Variants in SGCD observed in about 807,000 individuals in gnomAD.
SGCD encodes delta-sarcoglycan.
In SGCD, 18 loss-of-function variants were observed where a neutral mutation model predicts 36.6. The ratio of observed to expected loss-of-function variants is 0.49; its 90% confidence interval spans 0.34 to 0.73. The LOEUF (loss-of-function observed/expected upper bound fraction) is 0.73, where lower values mean the gene tolerates loss of function less well. SGCD is among the 30% of genes least tolerant of loss of function. SGCD has a pLI of 0.01. For synonymous variants in SGCD, 133 were observed against 130.6 expected (o/e 1.02, Z -0.12); for missense variants, 387 against 346.7 (o/e 1.12, Z -0.92).
At chr5:156,071,121 T>C (rs1171207003) in intron 1 of SGCD, among the ~76,000 whole-genome samples, 3 of 152,296 alleles carry the variant, frequency 2.0e-5, no homozygotes, top group African/African-American at 7.2e-5. Context: ...TTTTTGTGTC[T>C]CTATTTCCTT....
chr5:156,707,729 G>A (rs1754803323), intron 7 of SGCD, among the ~76,000 whole-genome samples: 1 of 152,092 alleles, frequency 6.6e-6, no homozygotes, highest in African/African-American at 2.4e-5. Context: ...TCATTACAGG[G>A]AAACTGAAAA....
intron 1 of SGCD, among the ~76,000 whole-genome samples, chr5:155,918,659 C>T (rs1396222249): frequency 6.6e-6 from 1 of 152,206 alleles, no homozygotes; most frequent in Non-Finnish European, 1.5e-5. Context: ...GACCTCTCTA[C>T]TTTATCATAC....
chr5:156,448,793 G>A (rs1220639797), intron 3 of SGCD, among the ~76,000 whole-genome samples: 1 of 141,462 alleles, frequency 7.1e-6, no homozygotes, highest in Non-Finnish European at 1.5e-5. Flanking sequence ...CCAGGCTGGA[G>A]GCTAGAGTGC....
intron 1 of SGCD, among the ~76,000 whole-genome samples, chr5:156,026,665 T>C (rs7734472): frequency 0.19 from 29,471 of 152,158 alleles, 3,575 homozygotes; most frequent in Admixed American, 0.35. Flanking sequence ...CAATTCACAA[T>C]TGATACCAAG....
intron 4 of SGCD, among the ~76,000 whole-genome samples, chr5:156,586,165 A>G (rs1398117022): frequency 1.3e-5 from 2 of 151,906 alleles, no homozygotes; most frequent in Non-Finnish European, 2.9e-5. Flanking sequence ...TGGCTGTGAT[A>G]GTGTCTCAGA....
intron 3 of SGCD, among the ~76,000 whole-genome samples, chr5:156,503,152 T>G (rs546552219): frequency 6.6e-6 from 1 of 152,372 alleles, no homozygotes; most frequent in Admixed American, 6.5e-5. Flanking sequence ...TTTATATTTC[T>G]TGAACTGTGG....
rs7705957 is a variant in SGCD, at chr5:156,676,359, T to C, written c.575+28823T>C. ...TGACTGCTGTGTTTTCTTCCAGGAA[T>C]ATTAATTATTTTTGGTAATAACAGG... is the stretch of plus-strand genomic sequence containing the variant. On this transcript the variant is annotated intron_variant, in intron 7 of 8. Transcript: ENST00000337851. Among the ~76,000 whole-genome samples, 456 of 152,306 alleles carry C rather than the reference T, an allele frequency of 3.0e-3. 2 individuals carry two copies. Among genetic ancestry groups the C allele is most frequent in the African/African-American group, 0.011 (439 of 41,568 alleles).
At chr5:156,185,223 T>C (rs1028836784) in intron 3 of SGCD, among the ~76,000 whole-genome samples, 38 of 148,712 alleles carry the variant, frequency 2.6e-4, no homozygotes, top group Non-Finnish European at 3.4e-4. Context: ...TTTTTTTTTT[T>C]TTTTTTTTTG....
intron 1 of SGCD, chr5:156,117,780 T>A (rs1259291006): frequency 6.6e-6 from 1 of 152,138 alleles, no homozygotes; most frequent in African/African-American, 2.4e-5. Flanking sequence ...GCCAGTATTA[T>A]CTTTGCATTC....
chr5:156,351,042 T>C (rs557551684), intron 3 of SGCD, among the ~76,000 whole-genome samples: 1 of 152,280 alleles, frequency 6.6e-6, no homozygotes, highest in Non-Finnish European at 1.5e-5. Flanking sequence ...CTTGTTATCT[T>C]TGCCAACCCT....
intron 7 of SGCD, among the ~76,000 whole-genome samples, chr5:156,742,598 A>C (rs548537550): frequency 5.9e-5 from 9 of 152,290 alleles, no homozygotes; most frequent in African/African-American, 2.2e-4. Context: ...AGAAACAGAA[A>C]AAACTGGACA....
At chr5:156,690,490 G>C (rs1412225682) in intron 7 of SGCD, among the ~76,000 whole-genome samples, 1 of 152,078 alleles carries the variant, frequency 6.6e-6, no homozygotes, top group African/African-American at 2.4e-5. Context: ...AGTTGTTTTT[G>C]AGTAGAGATG....
chr5:156,044,206 C>T (rs1181944104), intron 1 of SGCD, among the ~76,000 whole-genome samples: 1 of 152,134 alleles, frequency 6.6e-6, no homozygotes, highest in Non-Finnish European at 1.5e-5. Flanking sequence ...AAGAATGTAA[C>T]ATTTCAGGTA....
intron 3 of SGCD, among the ~76,000 whole-genome samples, chr5:156,346,888 C>T (rs1302377795): frequency 6.6e-6 from 1 of 152,000 alleles, no homozygotes; most frequent in East Asian, 1.9e-4. Flanking sequence ...AGCTCCACCT[C>T]CCGGGTTCAA....
Position 156,622,509 on chromosome 5 carries a change from CA to C in SGCD, c.503-24954del. 2.7e-5 allele frequency among the ~76,000 whole-genome samples: 4 copies of C among 148,688 alleles called. No individual in the cohort carries two copies. In the South Asian group the frequency reaches 8.5e-4, roughly 31 times the overall value. ...GGGAAGGAAAGTCATATCTTTTCTT[CA>C]CCCCTTGCAAGTCTCCATAACAAAG... On this transcript the variant is annotated intron_variant, in intron 6 of 8. Transcript: ENST00000337851.
chr5:155,964,864 A>G (rs984926095), intron 1 of SGCD, among the ~76,000 whole-genome samples: 1 of 152,142 alleles, frequency 6.6e-6, no homozygotes, highest in African/African-American at 2.4e-5. Context: ...CATAAAGGTC[A>G]TTCAACGCCT....
intron 4 of SGCD, among the ~76,000 whole-genome samples, chr5:156,509,423 T>G (rs897619884): frequency 2.0e-5 from 3 of 151,814 alleles, no homozygotes; most frequent in African/African-American, 7.3e-5. Context: ...AGGCTCCATC[T>G]CAAAAAAAAA....
chr5:155,806,085 A>T, the SGCD span, among the ~76,000 whole-genome samples: 1 of 152,232 alleles, frequency 6.6e-6, no homozygotes, highest in Non-Finnish European at 1.5e-5. Flanking sequence ...AGACATTCTT[A>T]GAATGATAGA....
chr5:156,755,746 G>C (rs1042439859), intron 7 of SGCD, among the ~76,000 whole-genome samples: 3 of 152,142 alleles, frequency 2.0e-5, no homozygotes, highest in African/African-American at 7.2e-5. Flanking sequence ...TGAGACCACA[G>C]AAGAAAAAAT....
Sources: allele counts gnomAD v4.1 joint callset (sites outside exome capture counted in the v4.1 genomes callset), GRCh38; gene constraint gnomAD v4.1.1; transcripts MANE v1.5; gene names NCBI Gene and HGNC (gene_info 2026-07-23, HGNC 2026-07-21).